VPS13A: variants seen among roughly 807,000 people sequenced by gnomAD.
VPS13A encodes the protein vacuolar protein sorting 13 homolog A, also known as intermembrane lipid transfer protein VPS13A.
VPS13A carries 264 observed loss-of-function variants against 390.9 expected under a neutral mutation model. The ratio of observed to expected loss-of-function variants is 0.68; its 90% CI spans 0.61 to 0.75. The LOEUF (loss-of-function observed/expected upper bound fraction) is 0.75. Ranked by LOEUF, VPS13A falls within the 30% of genes least tolerant of loss-of-function variation. VPS13A has a pLI of 0.00. For missense variants in VPS13A, 3,409 were observed against 3,733.9 expected, an observed-to-expected ratio of 0.91 and a Z score of 2.27; for synonymous variants, 1,231 against 1,227.1, an observed-to-expected ratio of 1.00 and a Z score of -0.07.
chr9:77,194,678 A>G (rs1320657510), intron 1 of VPS13A, among the ~76,000 whole-genome samples: 6 of 152,144 alleles, frequency 3.9e-5, no homozygotes, highest in African/African-American at 1.4e-4. Flanking sequence ...TGCCTGTTTA[A>G]CTCATCCTTT....
At chr9:77,346,104 A>G (rs1831137829) in intron 52 of VPS13A, among the ~76,000 whole-genome samples, 2 of 152,090 alleles carry the variant, frequency 1.3e-5, no homozygotes, top group Non-Finnish European at 2.9e-5. Flanking sequence ...ACTGTTTTTC[A>G]TAGTGTTTGT....
chr9:77,295,660 T>G lies in VPS13A; in HGVS notation c.3626T>G (p.Leu1209Arg). 6.2e-7 allele frequency: 1 copy of G among 1,614,078 alleles called. No homozygotes were observed. Residue 1209 changes from leucine to arginine, a missense_variant, in exon 33 of 72, where the codon CTG (leucine) becomes CGG (arginine). Leu to Arg is a moderately radical substitution (Grantham distance 102). Coordinates refer to ENST00000360280, the MANE Select transcript of VPS13A (RefSeq NM_033305.3). Reference sequence around the variant, plus strand: ...GCACAAAGGAGTTCCAGAATGGCACTGGATATTAACATCAAAGCCCCAGTT... The same window carrying G: ...GCACAAAGGAGTTCCAGAATGGCACGGGATATTAACATCAAAGCCCCAGTT... ...ELAQRSSRMA[L>R]DINIKAPVVV...
At chr9:77,240,478 G>GTTTTTTTTTTTTTTTTT (rs11351060) in intron 19 of VPS13A, among the ~76,000 whole-genome samples, 1 of 126,066 alleles carries the variant, frequency 7.9e-6, no homozygotes, top group Non-Finnish European at 1.6e-5. Flanking sequence ...TTATGTTTTT[G>GTTTTTTTTTTTTTTTTT]TTTTTTTTTT....
chr9:77,414,757 ATAATAATAAT>A (rs1835100006), intron 71 of VPS13A, among the ~76,000 whole-genome samples: 2 of 149,886 alleles, frequency 1.3e-5, no homozygotes, highest in Non-Finnish European at 3.0e-5. Context: ...AATAATAATA[ATAATAATAAT>A]AAAAACTTAG....
intron 52 of VPS13A, among the ~76,000 whole-genome samples, chr9:77,350,710 C>T (rs1030262480): frequency 6.6e-6 from 1 of 152,018 alleles, no homozygotes; most frequent in Non-Finnish European, 1.5e-5. Flanking sequence ...TATTTTCTTA[C>T]AAAGATATGT....
chr9:77,259,615 CACT>C (rs147367159), intron 22 of VPS13A, among the ~76,000 whole-genome samples: 1 of 152,262 alleles, frequency 6.6e-6, no homozygotes, highest in East Asian at 1.9e-4. Flanking sequence ...AATAATAAAG[CACT>C]CTGATGTGGT....
intron 60 of VPS13A, 108 bp from the exon 61 acceptor site, chr9:77,366,619 A>C (rs1474025371): frequency 1.0e-6 from 1 of 981,416 alleles, no homozygotes; most frequent in Non-Finnish European, 1.5e-6. Context: ...GATAACTTTG[A>C]AATCTTATTT....
intron 65 of VPS13A, 109 bp downstream of exon 65, chr9:77,370,687 G>A: frequency 6.6e-7 from 1 of 1,507,586 alleles, no homozygotes; most frequent in Non-Finnish European, 9.1e-7. Context: ...TTATTATTTG[G>A]ATATTTTAAG....
At chr9:77,325,787 C>T (rs982115476) in intron 45 of VPS13A, among the ~76,000 whole-genome samples, 1 of 152,138 alleles carries the variant, frequency 6.6e-6, no homozygotes, top group African/African-American at 2.4e-5. Flanking sequence ...CTTCTCATCT[C>T]CCACATTCGT....
At chr9:77,239,393 T>A (rs1057390780) in intron 19 of VPS13A, among the ~76,000 whole-genome samples, 4 of 151,192 alleles carry the variant, frequency 2.6e-5, no homozygotes, top group Middle Eastern at 3.2e-3. Context: ...GTAATAATAA[T>A]AAAAATTAAA....
At chr9:77,286,044 T>C (rs934979342) in intron 31 of VPS13A, among the ~76,000 whole-genome samples, 1 of 152,086 alleles carries the variant, frequency 6.6e-6, no homozygotes, top group Non-Finnish European at 1.5e-5. Context: ...GGTTTGGGAG[T>C]AGGGGTTGGC....
At position 77,177,588 on chromosome 9, in the gene VPS13A, C is replaced by T. The variant is rs965484456; in HGVS notation, c.-117C>T. On this transcript the variant is annotated 5_prime_UTR_variant, in exon 1 of 72. Coordinates refer to ENST00000360280, the MANE Select transcript of VPS13A (RefSeq NM_033305.3). ...CTGCGCGTTGGGCCAGCGGGGGCGC[C>T]GCAGCTGAAGCCGCCCCGGAGCCGG... The T allele has an allele frequency of 2.5e-5, 23 of 937,192 alleles. No homozygotes were observed. In the African/African-American group the frequency reaches 2.8e-4, roughly 11 times the overall value. 58.1% of individuals were successfully genotyped at this position (937,192 alleles called of 1,614,324 possible).
At chr9:77,377,393 G>C (rs1388814664) in intron 67 of VPS13A, among the ~76,000 whole-genome samples, 8 of 151,418 alleles carry the variant, frequency 5.3e-5, no homozygotes, top group Non-Finnish European at 1.2e-4. Context: ...CTAATTTTTT[G>C]TATTTTTAGT....
chr9:77,221,302 TA>T lies in VPS13A; in HGVS notation c.1115del (p.Lys372SerfsTer2), dbSNP rs770350986. ...AAGTGAAGCAATATAAAGAACTGTA[TA>T]AAAAAAAGTTAACAAGTAAGAAGCC... The part of the protein sequence containing the change: ...QKVKQYKELY[K>X]KKLTSKKPPG... On this transcript the variant is annotated frameshift_variant, in exon 13 of 72. Transcript: ENST00000360280. LOFTEE classifies it high-confidence loss of function. 1 of 1,613,078 alleles carries T rather than the reference TA, an allele frequency of 6.2e-7. No homozygotes were observed. Among genetic ancestry groups the T allele is most frequent in the South Asian group, 1.1e-5 (1 of 91,050 alleles).
chr9:77,215,119 G>A (rs1467176562), intron 10 of VPS13A, among the ~76,000 whole-genome samples: 1 of 152,178 alleles, frequency 6.6e-6, no homozygotes, highest in Non-Finnish European at 1.5e-5. Flanking sequence ...CAGCCTGGGT[G>A]ACAGAGTGAG....
At position 77,209,446 on chromosome 9, in the gene VPS13A, G is replaced by A. The variant is rs1274217682; in HGVS notation, c.409G>A (p.Asp137Asn). Residue 137 changes from aspartate (D) to asparagine (N), a missense_variant, in exon 6 of 72, where the codon GAC (aspartate) becomes AAC (asparagine). By Grantham distance (23) the Asp-to-Asn change is conservative. Coordinates refer to ENST00000360280, the MANE Select transcript of VPS13A (RefSeq NM_033305.3). The part of the protein sequence containing the change: ...DQEQHLPEKQ[D>N]TFAEKLVTQI... ...AGAACAACATCTGCCGGAAAAACAGGACACTTTTGCAGAAAAATTAGTTAC... is the reference window on the plus strand; with the variant it reads ...AGAACAACATCTGCCGGAAAAACAGAACACTTTTGCAGAAAAATTAGTTAC... 6.2e-7 allele frequency: 1 copy of A among 1,612,452 alleles called. No homozygotes were observed.
In VPS13A at chr9:77,345,022, T is replaced by C. The variant is rs367991639; in HGVS notation, c.7169T>C (p.Ile2390Thr). The C allele has an allele frequency of 6.8e-6, 11 of 1,612,236 alleles. No individual in the cohort carries two copies. In the South Asian group the frequency reaches 7.7e-5, roughly 11 times the overall value. ...TCTTTCTTCTAGCTTGGAGGTATTA[T>C]AGCAGAAGTGAATTTGGCCGAGCAT... is the stretch of plus-strand genomic sequence containing the variant. The part of the protein sequence containing the change: ...LRLDNELGGI[I>T]AEVNLAEHST... Residue 2390 changes from isoleucine (I) to threonine (T), a missense_variant, in exon 52 of 72, where the codon ATA becomes ACA. By Grantham distance (89) the Ile-to-Thr change is moderately conservative. Around this residue, in one of 5 missense-constraint regions of VPS13A, gnomAD observed 2,717 missense variants for 2,917.4 expected, o/e 0.93. Transcript: ENST00000360280.
At chr9:77,267,250 T>G (rs185722244) in intron 23 of VPS13A, among the ~76,000 whole-genome samples, 1 of 152,204 alleles carries the variant, frequency 6.6e-6, no homozygotes, top group Non-Finnish European at 1.5e-5. Flanking sequence ...GGCATTCTGG[T>G]TTTTGGAATT....
intron 21 of VPS13A, among the ~76,000 whole-genome samples, chr9:77,251,898 A>C (rs554857865): frequency 6.6e-6 from 1 of 152,198 alleles, no homozygotes; most frequent in Non-Finnish European, 1.5e-5. Context: ...TAACATTTAA[A>C]CATTACCTAG....
Sources: allele counts gnomAD v4.1 joint callset (sites outside exome capture counted in the v4.1 genomes callset), GRCh38; gene constraint gnomAD v4.1.1; regional missense constraint gnomAD v4.1.1; transcripts MANE v1.5; gene names NCBI Gene and HGNC (gene_info 2026-07-23, HGNC 2026-07-21).